The following IGF1R variants were observed in gnomAD, a reference collection of about 807,000 sequenced individuals.
IGF1R encodes insulin like growth factor 1 receptor, also known as insulin-like growth factor 1 receptor.
In IGF1R, 44 loss-of-function variants were observed where a neutral mutation model predicts 144.6. The observed-to-expected ratio is 0.30, with a 90% confidence interval of 0.24 to 0.39. The LOEUF (loss-of-function observed/expected upper bound fraction) is 0.39, where lower values mean the gene tolerates loss of function less well. Among genes scored for constraint, IGF1R ranks in the 10% least tolerant of loss-of-function variants. The probability of loss-of-function intolerance (pLI) is 1.00; values close to 1 mark genes in which losing one functional copy is unlikely to be tolerated. For synonymous variants in IGF1R, 795 were observed against 722.8 expected (o/e 1.10, Z -1.60); for missense variants, 1,355 against 1,833.7 (o/e 0.74, Z 4.77).
In IGF1R at chr15:98,959,541, C is replaced by G. The variant is rs1035715550; in HGVS notation, c.*2099C>G. ...AGGCAGCACAGACGCCACGGTGGCCCAAGAGCCCCTTTGCTTCTTGCTGGG... is the reference window on the plus strand; with the variant it reads ...AGGCAGCACAGACGCCACGGTGGCCGAAGAGCCCCTTTGCTTCTTGCTGGG... On this transcript the variant is annotated 3_prime_UTR_variant, in exon 21 of 21. Transcript: ENST00000650285. 5 of 233,500 alleles carry G rather than the reference C, an allele frequency of 2.1e-5. No individual in the cohort carries two copies. The highest frequency in any genetic ancestry group is 4.2e-5 in the Non-Finnish European group (5 of 118,052). 14.5% of individuals were successfully genotyped at this position (233,500 alleles called of 1,614,324 possible). A position where few individuals can be genotyped will look rare whatever the true frequency, so the allele number is the denominator to read the frequency against.
At chr15:98,949,421 C>G (rs1238861625) in intron 20 of IGF1R, among the ~76,000 whole-genome samples, 2 of 151,344 alleles carry the variant, frequency 1.3e-5, no homozygotes, top group Non-Finnish European at 2.9e-5. Flanking sequence ...CTCTGTCGCC[C>G]AGGCTGGAGT....
Position 98,957,194 on chromosome 15 carries a change from AAGCTGCCCGAGCCGGAGG to A in IGF1R, c.3862_3879del (p.Pro1288_Leu1293del). 3 of 1,614,226 alleles carry A rather than the reference AAGCTGCCCGAGCCGGAGG, an allele frequency of 1.9e-6. No homozygotes were observed. Among genetic ancestry groups the A allele is most frequent in the Non-Finnish European group, 2.5e-6 (3 of 1,180,048 alleles). On this transcript the variant is annotated inframe_deletion, in exon 21 of 21. Coordinates refer to ENST00000650285, the MANE Select transcript of IGF1R (RefSeq NM_000875.5). The stretch of plus-strand genomic sequence containing the variant: ...CTCCTTCTACTACAGCGAGGAGAAC[AAGCTGCCCGAGCCGGAGG>A]AGCTGGACCTGGAGCCAGAGAACAT...
At chr15:98,738,690 A>C (rs757893773) in intron 2 of IGF1R, among the ~76,000 whole-genome samples, 2 of 152,208 alleles carry the variant, frequency 1.3e-5, no homozygotes, top group African/African-American at 2.4e-5. Context: ...TAAGGTTATA[A>C]AAGACCAAAA....
intron 2 of IGF1R, among the ~76,000 whole-genome samples, chr15:98,825,185 A>G (rs1280446201): frequency 6.8e-6 from 1 of 147,894 alleles, no homozygotes; most frequent in African/African-American, 2.7e-5. Flanking sequence ...AGAAGACCAT[A>G]TACAGTGGCA....
Position 98,939,251 on chromosome 15 carries a change from C to T in IGF1R, c.3348C>T (p.Ala1116=), listed in dbSNP as rs529800854. 41 of 1,613,698 alleles carry T rather than the reference C, an allele frequency of 2.5e-5. 1 individual carries two copies. Among genetic ancestry groups the T allele is most frequent in the Middle Eastern group, 3.3e-4 (2 of 6,082 alleles). ...PPSLSKMIQM[A]GEIADGMAYL... is the part of the protein sequence containing the mutation. ...GCCTGAGCAAGATGATTCAGATGGC[C>T]GGAGAGATTGCAGACGGCATGGCAT... Residue 1116 remains alanine (A), a synonymous_variant, in exon 18 of 21, where the codon GCC becomes GCT. Transcript: ENST00000650285.
intron 1 of IGF1R, among the ~76,000 whole-genome samples, chr15:98,668,681 G>A (rs2052805798): frequency 6.6e-6 from 1 of 152,168 alleles, no homozygotes; most frequent in African/African-American, 2.4e-5. Flanking sequence ...CTCCAGGAGA[G>A]CTTAAATTTC....
chr15:98,754,783 G>A (rs1398400240), intron 2 of IGF1R, among the ~76,000 whole-genome samples: 7 of 152,192 alleles, frequency 4.6e-5, no homozygotes, highest in Non-Finnish European at 1.0e-4. Context: ...TGAGAGGTGG[G>A]AGAAATTATC....
chr15:98,781,985 C>G (rs2055870495), intron 2 of IGF1R, among the ~76,000 whole-genome samples: 1 of 152,106 alleles, frequency 6.6e-6, no homozygotes, highest in African/African-American at 2.4e-5. Context: ...AGGCTGATTA[C>G]TTATTTCCCT....
chr15:98,911,154 A>G (rs962561847), intron 6 of IGF1R, among the ~76,000 whole-genome samples, 161 bp from the exon 7 acceptor site: 3 of 152,244 alleles, frequency 2.0e-5, no homozygotes, highest in African/African-American at 4.8e-5. Flanking sequence ...AGTGAAATGT[A>G]TGATTTCTTA....
Position 98,916,357 on chromosome 15 carries a change from G to T in IGF1R, c.1996+226G>T, listed in dbSNP as rs1359343146. The T allele has an allele frequency of 1.8e-5, 10 of 565,708 alleles. No homozygotes were observed. In the East Asian group the frequency reaches 2.2e-4, roughly 12 times the overall value. The allele number at this position is 565,708 out of a possible 1,614,324, so 35.0% of individuals were successfully genotyped here. The stretch of plus-strand genomic sequence containing the variant: ...GCTCACTGCAATTTCTGCCTCCCAG[G>T]TTCAAGCATTTCTCATTCCCCAGCA... On this transcript the variant is annotated intron_variant, in intron 9 of 20. Transcript: ENST00000650285.
intron 2 of IGF1R, among the ~76,000 whole-genome samples, chr15:98,809,260 G>A (rs2056534214): frequency 6.6e-6 from 1 of 152,226 alleles, no homozygotes; most frequent in African/African-American, 2.4e-5. Context: ...CAGTACTTCA[G>A]GGTACTGGGT....
chr15:98,885,471 C>A (rs978209730), intron 2 of IGF1R, among the ~76,000 whole-genome samples: 2 of 152,152 alleles, frequency 1.3e-5, no homozygotes, highest in African/African-American at 4.8e-5. Flanking sequence ...ATCATAAAAT[C>A]TCTTTGGACC....
Position 98,964,231 on chromosome 15 carries a change from A to T in IGF1R, c.*6789A>T, listed in dbSNP as rs550628924. The T allele has an allele frequency of 2.1e-5, 5 of 232,820 alleles. No individual in the cohort carries two copies. The highest frequency in any genetic ancestry group is 1.7e-4 in the Admixed American group (3 of 17,778). 14.4% of individuals were successfully genotyped at this position (232,820 alleles called of 1,614,324 possible). On this transcript the variant is annotated 3_prime_UTR_variant, in exon 21 of 21. Coordinates refer to ENST00000650285, the MANE Select transcript of IGF1R (RefSeq NM_000875.5). ...AAAAAAATTTTTTTAAGTAAGAAAA[A>T]AAAAGGTAATAACATGGCCAATTTG...
chr15:98,696,928 C>T (rs934124522), intron 1 of IGF1R, among the ~76,000 whole-genome samples: 10 of 152,164 alleles, frequency 6.6e-5, no homozygotes, highest in African/African-American at 2.4e-4. Flanking sequence ...TAGTAGAAAT[C>T]GTAGGATGCC....
At chr15:98,725,188 G>C (rs1190591278) in intron 2 of IGF1R, among the ~76,000 whole-genome samples, 2 of 152,168 alleles carry the variant, frequency 1.3e-5, no homozygotes, top group Non-Finnish European at 2.9e-5. Flanking sequence ...CTAATACATT[G>C]CAAGTGGTGC....
chr15:98,713,752 T>G (rs2054051245), intron 2 of IGF1R, among the ~76,000 whole-genome samples: 1 of 152,154 alleles, frequency 6.6e-6, no homozygotes. Context: ...TCATTTCAGG[T>G]GCAGATGCCT....
intron 1 of IGF1R, among the ~76,000 whole-genome samples, chr15:98,668,861 A>G (rs1462507083): frequency 6.6e-6 from 1 of 152,240 alleles, no homozygotes; most frequent in African/African-American, 2.4e-5. Context: ...GGGCTGCCAC[A>G]GAAGACAGAC....
intron 1 of IGF1R, among the ~76,000 whole-genome samples, chr15:98,689,185 G>T (rs868625784): frequency 1.3e-5 from 2 of 150,046 alleles, no homozygotes; most frequent in Admixed American, 6.6e-5. Flanking sequence ...TTGGTTGGTT[G>T]GTTTTTGGCG....
In IGF1R at chr15:98,962,277, A is replaced by T. The variant is rs962115116; in HGVS notation, c.*4835A>T. 4.3e-6 allele frequency: 1 copy of T among 233,280 alleles called. No individual in the cohort carries two copies. The highest frequency in any genetic ancestry group is 8.5e-6 in the Non-Finnish European group (1 of 118,122). The allele number at this position is 233,280 out of a possible 1,614,324, so 14.5% of individuals were successfully genotyped here. ...GACCCGCCGTGGTATGCCTTGGCCC[A>T]TTCCAGCAGTCCCAGTTATGCATTT... On this transcript the variant is annotated 3_prime_UTR_variant, in exon 21 of 21. Transcript: ENST00000650285.
Sources: allele counts gnomAD v4.1 joint callset (sites outside exome capture counted in the v4.1 genomes callset), GRCh38; gene constraint gnomAD v4.1.1; transcripts MANE v1.5; gene names NCBI Gene and HGNC (gene_info 2026-07-23, HGNC 2026-07-21).